RORA: variants seen among roughly 807,000 people sequenced by gnomAD.
The protein encoded by RORA is RAR related orphan receptor A.
RORA carries 7 observed loss-of-function variants against 69.5 expected under a neutral mutation model. The observed-to-expected ratio is 0.10, with a 90% CI of 0.06 to 0.19. The LOEUF is 0.19. Ranked by LOEUF, RORA falls within the 10% of genes least tolerant of loss-of-function variation. The pLI is 1.00. For synonymous variants in RORA, 261 were observed against 240.8 expected, an observed-to-expected ratio of 1.08 and a Z score of -0.78; for missense variants, 457 against 663.0, an observed-to-expected ratio of 0.69 and a Z score of 3.41.
At chr15:61,118,468 G>A (rs564146728) in intron 1 of RORA, among the ~76,000 whole-genome samples, 3 of 152,148 alleles carry the variant, frequency 2.0e-5, no homozygotes, top group Admixed American at 2.0e-4. Flanking sequence ...TTGGAAGAGG[G>A]TTTTAAAAAA....
chr15:60,501,191 G>A, intron 8 of RORA, 122 bp from the exon 9 acceptor site: 1 of 636,926 alleles, frequency 1.6e-6, no homozygotes, highest in Non-Finnish European at 2.8e-6. Context: ...GAAAAACATG[G>A]GGAAGGTGAA....
intron 1 of RORA, among the ~76,000 whole-genome samples, chr15:61,219,981 T>G (rs1380807280): frequency 6.6e-6 from 1 of 152,200 alleles, no homozygotes; most frequent in African/African-American, 2.4e-5. Flanking sequence ...ACCTCACCAA[T>G]CCTTGACTGT....
At chr15:60,743,157 G>A (rs4775291) in intron 1 of RORA, among the ~76,000 whole-genome samples, 47,580 of 151,438 alleles carry the variant, frequency 0.31, 9,669 homozygotes, top group Non-Finnish European at 0.46. Context: ...TGGGACTACA[G>A]ATATGTACCA....
At chr15:61,012,793 G>A (rs1171186512) in intron 1 of RORA, among the ~76,000 whole-genome samples, 2 of 152,188 alleles carry the variant, frequency 1.3e-5, no homozygotes, top group African/African-American at 2.4e-5. Context: ...GGGATTACAG[G>A]CACACACCAC....
At chr15:60,871,180 G>C (rs1461889998) in intron 1 of RORA, among the ~76,000 whole-genome samples, 1 of 152,126 alleles carries the variant, frequency 6.6e-6, no homozygotes, top group Non-Finnish European at 1.5e-5. Context: ...AGATATCCAG[G>C]CAACAGAAGT....
chr15:60,724,944 A>T (rs990934768), intron 1 of RORA, among the ~76,000 whole-genome samples: 1 of 152,118 alleles, frequency 6.6e-6, no homozygotes, highest in Non-Finnish European at 1.5e-5. Flanking sequence ...CTGTAGCTTC[A>T]TCTGCCTATG....
intron 1 of RORA, among the ~76,000 whole-genome samples, chr15:60,752,239 T>C (rs1230542138): frequency 6.6e-6 from 1 of 152,120 alleles, no homozygotes; most frequent in South Asian, 2.1e-4. Context: ...CAAAAGCCCA[T>C]TGACGCTCAG....
At chr15:61,068,247 A>G (rs938104130) in intron 1 of RORA, among the ~76,000 whole-genome samples, 3 of 152,218 alleles carry the variant, frequency 2.0e-5, no homozygotes, top group African/African-American at 7.2e-5. Context: ...TCTTAGAAAG[A>G]TTCAGAAGTT....
At chr15:61,160,127 A>C (rs1207844728) in intron 1 of RORA, among the ~76,000 whole-genome samples, 1 of 152,224 alleles carries the variant, frequency 6.6e-6, no homozygotes, top group African/African-American at 2.4e-5. Flanking sequence ...AATGTTATAC[A>C]AACTTAAATC....
chr15:60,620,037 C>T (rs992503930), intron 2 of RORA, among the ~76,000 whole-genome samples: 5 of 152,226 alleles, frequency 3.3e-5, no homozygotes, highest in Admixed American at 6.5e-5. Flanking sequence ...GAAGGTCCCA[C>T]GGTCAGCATC....
chr15:60,552,750 A>C (rs917021718), intron 2 of RORA, among the ~76,000 whole-genome samples: 2 of 152,222 alleles, frequency 1.3e-5, no homozygotes, highest in African/African-American at 4.8e-5. Context: ...CTTCTTCTGA[A>C]CTACATTTAC....
At chr15:61,070,650 G>C (rs987361526) in intron 1 of RORA, among the ~76,000 whole-genome samples, 3 of 152,224 alleles carry the variant, frequency 2.0e-5, no homozygotes, top group Non-Finnish European at 4.4e-5. Flanking sequence ...AGCAATGTTA[G>C]CTTACAAAAT....
chr15:60,803,406 T>G (rs530682245), intron 1 of RORA, among the ~76,000 whole-genome samples: 4 of 152,380 alleles, frequency 2.6e-5, no homozygotes, highest in Admixed American at 2.6e-4. Flanking sequence ...GTTTAGACTC[T>G]TAATGTTTGT....
intron 1 of RORA, among the ~76,000 whole-genome samples, chr15:60,850,733 G>A (rs2073315059): frequency 6.6e-6 from 1 of 152,160 alleles, no homozygotes; most frequent in African/African-American, 2.4e-5. Flanking sequence ...TGAGCAGGGA[G>A]CCCTGTAGAC....
chr15:60,801,673 C>T (rs996085977), intron 1 of RORA, among the ~76,000 whole-genome samples: 1 of 152,174 alleles, frequency 6.6e-6, no homozygotes, highest in African/African-American at 2.4e-5. Flanking sequence ...CCTGAAAGCC[C>T]GGGAGAGGCA....
chr15:60,744,874 A>G (rs887258093), intron 1 of RORA, among the ~76,000 whole-genome samples: 15 of 152,166 alleles, frequency 9.9e-5, no homozygotes, highest in Admixed American at 3.3e-4. Context: ...TAGGAAACCT[A>G]CTGGGAACTG....
intron 1 of RORA, among the ~76,000 whole-genome samples, chr15:60,932,360 C>T (rs1261443259): frequency 6.6e-6 from 1 of 152,140 alleles, no homozygotes; most frequent in African/African-American, 2.4e-5. Context: ...TAAAGAGAAA[C>T]CATTAAAAAC....
chr15:60,748,976 T>C (rs886428555), intron 1 of RORA, among the ~76,000 whole-genome samples: 4 of 152,306 alleles, frequency 2.6e-5, no homozygotes, highest in East Asian at 1.9e-4. Context: ...TTTTGTATAA[T>C]AGATAATTAT....
At chr15:61,066,470 A>T (rs1327220742) in intron 1 of RORA, among the ~76,000 whole-genome samples, 2 of 118,748 alleles carry the variant, frequency 1.7e-5, no homozygotes, top group Non-Finnish European at 3.2e-5. Context: ...CTTGTTGCCC[A>T]GGCTGGAGTG....
Sources: gnomAD v4.1 joint callset for allele counts (sites outside exome capture counted in the v4.1 genomes callset) on GRCh38, gnomAD v4.1.1 for gene constraint, MANE v1.5 for transcripts, NCBI Gene and HGNC (gene_info 2026-07-23, HGNC 2026-07-21) for gene names.